The following BRD9 variants were observed in gnomAD, a reference collection of about 807,000 sequenced individuals.
The protein encoded by BRD9 is bromodomain containing 9, also known as bromodomain-containing protein 9.
A neutral mutation model predicts 68.7 loss-of-function variants in BRD9; 47 were observed. The observed-to-expected ratio is 0.68, with a 90% CI of 0.54 to 0.87. The LOEUF (loss-of-function observed/expected upper bound fraction) is 0.87. Ranked by LOEUF, BRD9 falls within the 40% of genes least tolerant of loss-of-function variation. The pLI is 0.00. For missense variants in BRD9, 670 were observed against 748.4 expected, an observed-to-expected ratio of 0.90 and a Z score of 1.22; for synonymous variants, 313 against 293.9, an observed-to-expected ratio of 1.06 and a Z score of -0.67.
At chr5:889,208 AAAT>A in intron 4 of BRD9, 43 bp from the exon 5 acceptor site, 1 of 1,574,856 alleles carries the variant, frequency 6.3e-7, no homozygotes, top group Admixed American at 1.9e-5. Context: ...CTAGATTTCT[AAAT>A]GATACAAAAT....
intron 13 of BRD9, 31 bp downstream of exon 13, chr5:871,495 T>C: frequency 6.2e-6 from 10 of 1,605,954 alleles, no homozygotes; most frequent in Non-Finnish European, 7.7e-6. Context: ...AGAATAATAT[T>C]TGGCTTGCCC....
At chr5:880,990 C>T (rs935076318) in intron 9 of BRD9, 117 bp downstream of exon 9, 10 of 1,050,642 alleles carry the variant, frequency 9.5e-6, no homozygotes, top group African/African-American at 4.8e-5. Context: ...GTCGGGAAGC[C>T]GGGCAGCCTC....
At chr5:882,699 T>C (rs1294849653) in intron 8 of BRD9, among the ~76,000 whole-genome samples, 5 of 118,382 alleles carry the variant, frequency 4.2e-5, no homozygotes, top group Admixed American at 8.5e-5. Flanking sequence ...ACCCACAACC[T>C]CCCAACACAT....
At position 865,844 on chromosome 5, in the gene BRD9, C is replaced by T. The variant is rs150807178; in HGVS notation, c.1526-263G>A. 301 of 379,908 alleles carry T rather than the reference C, an allele frequency of 7.9e-4. 2 individuals are homozygous for T. The highest frequency in any genetic ancestry group is 5.5e-3 in the African/African-American group (268 of 48,582). 23.5% of individuals were successfully genotyped at this position (379,908 alleles called of 1,614,324 possible). A position where few individuals can be genotyped will look rare whatever the true frequency, so the allele number is the denominator to read the frequency against. On this transcript the variant is annotated intron_variant, in intron 14 of 15. Coordinates refer to ENST00000467963, the MANE Select transcript of BRD9 (RefSeq NM_023924.5). ...ACAAGACCTAGCACCGCACAGACCA[C>T]GTCATGGCACGCACAGACACCGTGG...
In BRD9 at chr5:891,296, CAG is replaced by C. The variant is rs770499449; in HGVS notation, c.268-11_268-10del. On this transcript the variant is annotated splice_polypyrimidine_tract_variant and intron_variant, in intron 2 of 15. Coordinates refer to ENST00000467963, the MANE Select transcript of BRD9 (RefSeq NM_023924.5). Reference sequence around the variant, plus strand: ...TTCCGCTTCTTCTCTTCCTGGGCGGCAGAGTCAAGGGAGTGAGAAAGGCAGGA... The same window carrying C: ...TTCCGCTTCTTCTCTTCCTGGGCGGCAGTCAAGGGAGTGAGAAAGGCAGGA... The C allele has an allele frequency of 1.4e-4, 222 of 1,550,506 alleles. No homozygotes were observed. The highest frequency in any genetic ancestry group is 1.8e-4 in the Non-Finnish European group (206 of 1,146,424).
At chr5:887,074 G>A (rs1169192978) in intron 6 of BRD9, among the ~76,000 whole-genome samples, 1 of 152,210 alleles carries the variant, frequency 6.6e-6, no homozygotes, top group Non-Finnish European at 1.5e-5. Flanking sequence ...AGGCAGTCAC[G>A]CAAAACAAGC....
chr5:864,470 A>G lies in BRD9; in HGVS notation c.1792T>C (p.Ter598GlnextTer2). ...SPEPAASAKT[*>Q] Reference sequence around the variant, plus strand: ...AAAGAGCTGAAGGTGGTCTAGAGTTAGGTCTTGGCAGAGGCCGCAGGCTCT... The same window carrying G: ...AAAGAGCTGAAGGTGGTCTAGAGTTGGGTCTTGGCAGAGGCCGCAGGCTCT... Residue 598 changes from the stop codon to glutamine (Q), a stop_lost, in exon 16 of 16, where the codon TAA (stop) becomes CAA (glutamine). Transcript: ENST00000467963. 1 of 1,605,760 alleles carries G rather than the reference A, an allele frequency of 6.2e-7. No homozygotes were observed. Among genetic ancestry groups the G allele is most frequent in the Non-Finnish European group, 8.5e-7 (1 of 1,175,032 alleles).
At chr5:868,503 G>A (rs1202683659) in intron 14 of BRD9, 2 of 152,266 alleles carry the variant, frequency 1.3e-5, no homozygotes, top group African/African-American at 4.8e-5. Flanking sequence ...CTGGCATCTG[G>A]GGTCCCCCCC....
intron 7 of BRD9, among the ~76,000 whole-genome samples, chr5:886,306 A>G (rs757085569): frequency 5.3e-5 from 8 of 152,218 alleles, no homozygotes; most frequent in Non-Finnish European, 8.8e-5. Flanking sequence ...GGGAGGGGCC[A>G]ATGATCTTAA....
At chr5:885,203 A>C (rs73733964) in intron 7 of BRD9, among the ~76,000 whole-genome samples, 4,576 of 152,334 alleles carry the variant, frequency 0.03, 211 homozygotes, top group African/African-American at 0.1. Flanking sequence ...CCAACCACGC[A>C]GTGAGTGTTC....
Position 865,544 on chromosome 5 carries a change from A to G in BRD9, c.1563T>C (p.His521=). 6.2e-7 allele frequency: 1 copy of G among 1,605,124 alleles called. No individual in the cohort carries two copies. Among genetic ancestry groups the G allele is most frequent in the Non-Finnish European group, 8.5e-7 (1 of 1,178,556 alleles). ...VKKELDPDDS[H]LNLDETTKLL... ...GCTTCGTCGTCTCATCCAAGTTCAAATGGCTGTCGTCAGGGTCCAGCTCCT... is the reference window on the plus strand; with the variant it reads ...GCTTCGTCGTCTCATCCAAGTTCAAGTGGCTGTCGTCAGGGTCCAGCTCCT... Residue 521 remains histidine, a synonymous_variant, in exon 15 of 16, where the codon CAT becomes CAC. Coordinates refer to ENST00000467963, the MANE Select transcript of BRD9 (RefSeq NM_023924.5).
rs557659393 is a variant in BRD9 at position 889,708 on chromosome 5, TC to T, written c.401-62del. The T allele has an allele frequency of 8.8e-6, 14 of 1,596,614 alleles. No individual in the cohort carries two copies. The South Asian group carries it at 1.4e-4, about 16-fold the overall frequency. On this transcript the variant is annotated intron_variant, in intron 3 of 15. Coordinates refer to ENST00000467963, the MANE Select transcript of BRD9 (RefSeq NM_023924.5). ...CTTTGGTATCCCTTCATTAGAGAGC[TC>T]CAAGTTCACAGTATCTGTCTGTCTG...
At chr5:866,948 C>T (rs1023768380) in intron 14 of BRD9, among the ~76,000 whole-genome samples, 11 of 152,204 alleles carry the variant, frequency 7.2e-5, no homozygotes, top group South Asian at 2.1e-4. Context: ...CAGACATTTG[C>T]GTAAGTAAAG....
chr5:887,307 C>T (rs1047318719), intron 6 of BRD9, 54 bp downstream of exon 6: 14 of 1,460,116 alleles, frequency 9.6e-6, no homozygotes, highest in Admixed American at 8.5e-5. Context: ...GCACAAGCGA[C>T]GGGGGGCAGA....
chr5:886,469 C>G, intron 7 of BRD9, 123 bp downstream of exon 7: 1 of 1,012,344 alleles, frequency 9.9e-7, no homozygotes, highest in Non-Finnish European at 1.5e-6. Context: ...TAAGCTACAC[C>G]AAGAATGTCT....
chr5:870,408 CGT>C (rs1236767461), intron 14 of BRD9, 63 bp downstream of exon 14: 11 of 1,214,524 alleles, frequency 9.1e-6, no homozygotes, highest in African/African-American at 4.5e-5. Context: ...AGGTGGAGGC[CGT>C]GTGTTTTCTT....
At chr5:871,070 A>G (rs1750064382) in intron 13 of BRD9, among the ~76,000 whole-genome samples, 2 of 152,166 alleles carry the variant, frequency 1.3e-5, no homozygotes, top group Non-Finnish European at 1.5e-5. Flanking sequence ...CCAGGTTCCC[A>G]GGGACCCTGG....
chr5:878,657 A>G (rs1751366264), intron 10 of BRD9, 170 bp from the exon 11 acceptor site: 2 of 859,206 alleles, frequency 2.3e-6, no homozygotes, highest in Non-Finnish European at 3.5e-6. Context: ...ATGTGTAACC[A>G]GCAGGGGTGT....
intron 10 of BRD9, chr5:878,831 C>T (rs1229021797): frequency 5.3e-5 from 15 of 284,604 alleles, no homozygotes; most frequent in South Asian, 1.3e-4. Flanking sequence ...GCAGGGACCA[C>T]GCCTGCCCAG....
Sources: allele counts gnomAD v4.1 joint callset (sites outside exome capture counted in the v4.1 genomes callset), GRCh38; gene constraint gnomAD v4.1.1; transcripts MANE v1.5; gene names NCBI Gene and HGNC (gene_info 2026-07-23, HGNC 2026-07-21).